Variants in C2CD3 observed in about 807,000 individuals in gnomAD.
C2CD3 encodes the protein C2 domain containing 3 centriole elongation regulator, also known as C2 domain-containing protein 3.
C2CD3 carries 148 observed loss-of-function variants against 234.0 expected under a neutral mutation model. The observed-to-expected ratio is 0.63, with a 90% CI of 0.55 to 0.72. The LOEUF is 0.72. Ranked by LOEUF, C2CD3 falls within the 30% of genes least tolerant of loss-of-function variation. C2CD3 has a pLI of 0.00. For missense variants in C2CD3, 2,577 were observed against 2,811.5 expected (o/e 0.92, Z 1.89); for synonymous variants, 1,000 against 1,035.4 (o/e 0.97, Z 0.66).
Position 74,114,455 on chromosome 11 carries a change from A to C in C2CD3, c.1659T>G (p.Asp553Glu), listed in dbSNP as rs1956857853. 6.2e-7 allele frequency: 1 copy of C among 1,614,060 alleles called. No individual in the cohort carries two copies. Among genetic ancestry groups the C allele is most frequent in the Non-Finnish European group, 8.5e-7 (1 of 1,179,968 alleles). Residue 553 changes from aspartate (D) to glutamate (E), a missense_variant, in exon 10 of 33, where the codon GAT becomes GAG. Transcript: ENST00000334126. ...IIIETMGVPPDSPQMTPGKKS... is the reference protein window; with the variant it reads ...IIIETMGVPPESPQMTPGKKS... ...TTTTGCCAGGGGTCATCTGAGGACTATCTGGAGGAACTCCCATGGTTTCGA... is the reference window on the plus strand; with the variant it reads ...TTTTGCCAGGGGTCATCTGAGGACTCTCTGGAGGAACTCCCATGGTTTCGA...
intron 31 of C2CD3, 66 bp from the exon 32 acceptor site, chr11:74,028,464 C>T: frequency 2.2e-6 from 2 of 916,452 alleles, no homozygotes; most frequent in Non-Finnish European, 3.3e-6. Flanking sequence ...AGGCCAGCAT[C>T]TCCACTGACC....
chr11:74,152,983 T>C (rs1485666511), intron 3 of C2CD3, among the ~76,000 whole-genome samples: 1 of 152,176 alleles, frequency 6.6e-6, no homozygotes, highest in Non-Finnish European at 1.5e-5. Flanking sequence ...TCCAGCACTT[T>C]GAGAGACTGA....
intron 9 of C2CD3, among the ~76,000 whole-genome samples, chr11:74,117,085 TG>T (rs1957013073): frequency 1.5e-5 from 1 of 68,422 alleles, no homozygotes; most frequent in South Asian, 3.9e-4. Context: ...AATATATATA[TG>T]AATATATATA....
intron 20 of C2CD3, among the ~76,000 whole-genome samples, chr11:74,090,131 T>C (rs1178735264): frequency 6.6e-6 from 1 of 151,882 alleles, no homozygotes; most frequent in Non-Finnish European, 1.5e-5. Flanking sequence ...GAGGGCAGAC[T>C]AGCAGGAGAT....
chr11:74,074,288 A>G lies in C2CD3; in HGVS notation c.4916T>C (p.Ile1639Thr). The change falls in exon 24 of 33, where the codon ATC becomes ACC. Residue 1639 changes from isoleucine to threonine, a missense_variant. By Grantham distance (89) the Ile-to-Thr change is moderately conservative (BLOSUM62 -1). Coordinates refer to ENST00000334126, the MANE Select transcript of C2CD3 (RefSeq NM_001286577.2). ...CAAGTGCATTGCTCTTTCTACTAGG[A>G]TGCTGACTGCAAACGTTCCATCCAA... Reference protein sequence around the residue: ...ADLDGTFAVSILVERAMHLSL... With the variant: ...ADLDGTFAVSTLVERAMHLSL... The G allele has an allele frequency of 6.8e-6, 11 of 1,614,180 alleles. No individual in the cohort carries two copies. Among genetic ancestry groups the G allele is most frequent in the Non-Finnish European group, 9.3e-6 (11 of 1,179,996 alleles).
intron 10 of C2CD3, 58 bp from the exon 11 acceptor site, chr11:74,113,950 T>A (rs1956841671): frequency 1.9e-6 from 2 of 1,034,162 alleles, no homozygotes; most frequent in African/African-American, 1.6e-5. Flanking sequence ...AATTTCCGTC[T>A]GATAAATCCA....
chr11:74,150,499 AAAAAAAAAAAAAAAAAC>A (rs1185105592), intron 3 of C2CD3, among the ~76,000 whole-genome samples: 4 of 102,150 alleles, frequency 3.9e-5, no homozygotes, highest in Non-Finnish European at 5.9e-5. Flanking sequence ...TCTCAAAAAA[AAAAAAAAAAAAAAAAAC>A]AAAAAAAAAA....
At chr11:74,070,205 G>A (rs994211114) in intron 24 of C2CD3, among the ~76,000 whole-genome samples, 4 of 152,110 alleles carry the variant, frequency 2.6e-5, no homozygotes, top group African/African-American at 4.8e-5. Flanking sequence ...GATCTTAACC[G>A]AAGGTTCCTC....
At chr11:74,158,493 C>T (rs987985272) in intron 3 of C2CD3, among the ~76,000 whole-genome samples, 23 of 152,038 alleles carry the variant, frequency 1.5e-4, no homozygotes, top group South Asian at 2.1e-4. Context: ...GAGGCCAAGG[C>T]GGGCGGATCA....
rs142169110 is a variant in C2CD3, at chr11:74,049,362, C to T, written c.5336G>A (p.Arg1779His). ...IHFKEERQAR[R>H]GVETSKSLIP... is the part of the protein sequence containing the mutation. ...CAGTGATTTTGAGGTCTCCACTCCA[C>T]GCCTTGCTTGCCTTTCTTCTTTGAA... Residue 1779 changes from arginine (R) to histidine (H), a missense_variant, in exon 27 of 33, where the codon CGT becomes CAT. By Grantham distance (29) the Arg-to-His change is conservative. Coordinates refer to ENST00000334126, the MANE Select transcript of C2CD3 (RefSeq NM_001286577.2). 1.7e-5 allele frequency: 28 copies of T among 1,614,010 alleles called. No individual in the cohort carries two copies. Among genetic ancestry groups the T allele is most frequent in the East Asian group, 4.5e-5 (2 of 44,898 alleles).
intron 22 of C2CD3, among the ~76,000 whole-genome samples, chr11:74,080,981 G>GCACAAC (rs1565268614): frequency 1.3e-5 from 2 of 152,044 alleles, no homozygotes; most frequent in African/African-American, 4.8e-5. Context: ...ACTTCTCTCT[G>GCACAAC]GCAGGCACAT....
rs79748541 is a variant in C2CD3, at chr11:74,136,275, G to A, written c.955+2445C>T. Among the ~76,000 whole-genome samples, 547 of 152,268 alleles carry A rather than the reference G, an allele frequency of 3.6e-3. 5 individuals carry two copies. The highest frequency in any genetic ancestry group is 0.012 in the African/African-American group (509 of 41,566). ...ACAAGTCAGACTACTAACTCAGACCGAGTTGAAATCTACCTTGTTTTACCT... is the reference window on the plus strand; with the variant it reads ...ACAAGTCAGACTACTAACTCAGACCAAGTTGAAATCTACCTTGTTTTACCT... On this transcript the variant is annotated intron_variant, in intron 5 of 32. Transcript: ENST00000334126.
chr11:74,117,867 C>T (rs1044369811), intron 9 of C2CD3, among the ~76,000 whole-genome samples: 4 of 149,024 alleles, frequency 2.7e-5, no homozygotes, highest in Non-Finnish European at 5.9e-5. Context: ...GATCTGAGAT[C>T]GTGCCATTGC....
chr11:74,020,414 G>C (rs1952037698), intron 32 of C2CD3, among the ~76,000 whole-genome samples: 1 of 152,154 alleles, frequency 6.6e-6, no homozygotes, highest in African/African-American at 2.4e-5. Flanking sequence ...TATCTTTGTT[G>C]AATTCAACTT....
chr11:74,028,387 A>G lies in C2CD3; in HGVS notation c.6821T>C (p.Ile2274Thr), dbSNP rs1396442006. The change falls in exon 32 of 33, where the codon ATT (isoleucine) becomes ACT (threonine). Residue 2274 changes from isoleucine (I) to threonine (T), a missense_variant. Coordinates refer to ENST00000334126, the MANE Select transcript of C2CD3 (RefSeq NM_001286577.2). Reference protein sequence around the residue: ...TKQSLLLPGPIVVPNFFLPPQ... With the variant: ...TKQSLLLPGPTVVPNFFLPPQ... Reference sequence around the variant, plus strand: ...AGGCAAAAAGAAGTTGGGCACCACAATGGGCCCTGGGCTACAATGGTAGTT... The same window carrying G: ...AGGCAAAAAGAAGTTGGGCACCACAGTGGGCCCTGGGCTACAATGGTAGTT... 5 of 1,535,020 alleles carry G rather than the reference A, an allele frequency of 3.3e-6. No individual in the cohort carries two copies. Among genetic ancestry groups the G allele is most frequent in the East Asian group, 2.4e-5 (1 of 40,910 alleles).
chr11:74,085,481 A>G (rs1405182020), intron 21 of C2CD3, 137 bp downstream of exon 21: 4 of 833,226 alleles, frequency 4.8e-6, no homozygotes, highest in Non-Finnish European at 7.4e-6. Context: ...ATTTTTTGCT[A>G]TATCTTTCAG....
chr11:74,140,093 A>G (rs536543662), intron 3 of C2CD3, among the ~76,000 whole-genome samples: 1 of 151,162 alleles, frequency 6.6e-6, no homozygotes, highest in East Asian at 2.0e-4. Context: ...CAGGATTGTA[A>G]GGAATGTCCC....
At chr11:74,069,786 C>G (rs1023258473) in intron 24 of C2CD3, among the ~76,000 whole-genome samples, 1 of 152,156 alleles carries the variant, frequency 6.6e-6, no homozygotes, top group Non-Finnish European at 1.5e-5. Flanking sequence ...ATGGAAACTT[C>G]CCCCTTAAGC....
intron 28 of C2CD3, among the ~76,000 whole-genome samples, chr11:74,044,205 C>T (rs184431397): frequency 0.027 from 4,044 of 151,726 alleles, 71 homozygotes; most frequent in Non-Finnish European, 0.039. Flanking sequence ...CGCCTGTAAT[C>T]CCAGCACTTT....
Sources: allele counts gnomAD v4.1 joint callset (sites outside exome capture counted in the v4.1 genomes callset), GRCh38; gene constraint gnomAD v4.1.1; transcripts MANE v1.5; gene names NCBI Gene and HGNC (gene_info 2026-07-23, HGNC 2026-07-21).